Variants in SLTM observed in about 807,000 individuals in gnomAD.
SLTM encodes SAFB like transcription modulator.
In SLTM, 43 loss-of-function variants were observed where a neutral mutation model predicts 134.6. That is an observed-to-expected ratio of 0.32 (90% confidence interval 0.25 to 0.41). The LOEUF is 0.41. Ranked by LOEUF, SLTM falls within the 10% of genes least tolerant of loss-of-function variation. The pLI is 1.00. For synonymous variants in SLTM, 424 were observed against 432.3 expected (o/e 0.98, Z 0.24); for missense variants, 1,055 against 1,288.8 (o/e 0.82, Z 2.78).
chr15:58,900,607 A>T (rs2035409638), intron 6 of SLTM: 1 of 152,614 alleles, frequency 6.6e-6, no homozygotes, highest in African/African-American at 2.4e-5. Context: ...ATTTTCAGTC[A>T]GTAGCTTCAT....
At chr15:58,931,706 C>T (rs575894177) in intron 2 of SLTM, among the ~76,000 whole-genome samples, 1 of 152,196 alleles carries the variant, frequency 6.6e-6, no homozygotes, top group Non-Finnish European at 1.5e-5. Flanking sequence ...CCACTTTTAG[C>T]TAGTCACTAA....
At chr15:58,880,147 G>A in intron 20 of SLTM, 40 bp from the exon 21 acceptor site, 2 of 1,601,244 alleles carry the variant, frequency 1.2e-6, no homozygotes, top group South Asian at 1.1e-5. Flanking sequence ...AGAGAACAAA[G>A]AACAAATCAT....
At chr15:58,923,712 G>A (rs892406485) in intron 2 of SLTM, among the ~76,000 whole-genome samples, 7 of 151,384 alleles carry the variant, frequency 4.6e-5, no homozygotes, top group African/African-American at 1.2e-4. Flanking sequence ...GTCCTACAGG[G>A]AATCTAGCAA....
Position 58,893,827 on chromosome 15 carries a change from GCTT to G in SLTM, c.1639_1641del (p.Lys547del), listed in dbSNP as rs1314519060. ...GAAAAGATGTATAGCATACTTATTC[GCTT>G]CTTTTCTTCACTTTTTTTAATCGAT... On this transcript the variant is annotated inframe_deletion, in exon 12 of 21. Coordinates refer to ENST00000380516, the MANE Select transcript of SLTM (RefSeq NM_024755.4). The G allele has an allele frequency of 3.7e-6, 6 of 1,607,146 alleles. No individual in the cohort carries two copies. In the Admixed American group the frequency reaches 8.5e-5, roughly 23 times the overall value.
chr15:58,901,361 C>A (rs2035476116), intron 5 of SLTM, 74 bp from the exon 6 acceptor site: 1 of 1,265,842 alleles, frequency 7.9e-7, no homozygotes, highest in South Asian at 1.3e-5. Flanking sequence ...ACAAAATCAG[C>A]CAAGTTAAAA....
rs191454260 is a variant in SLTM at position 58,897,450 on chromosome 15, T to C, written c.1109-217A>G. ...CATTTCCTATTGTATGAGTTCTAAG[T>C]TGAAGAGGGTAAAAAAATCAATTAC... On this transcript the variant is annotated intron_variant, in intron 8 of 20. Coordinates refer to ENST00000380516, the MANE Select transcript of SLTM (RefSeq NM_024755.4). 4.4e-4 allele frequency: 187 copies of C among 428,462 alleles called. No individual in the cohort carries two copies. In the East Asian group the frequency reaches 5.8e-3, roughly 13 times the overall value. The allele number at this position is 428,462 out of a possible 1,614,324, so 26.5% of individuals were successfully genotyped here.
At chr15:58,883,089 C>T (rs889414018) in intron 20 of SLTM, among the ~76,000 whole-genome samples, 1 of 152,114 alleles carries the variant, frequency 6.6e-6, no homozygotes, top group Non-Finnish European at 1.5e-5. Context: ...CCAAGGCAGG[C>T]GGATCCCCTG....
intron 2 of SLTM, among the ~76,000 whole-genome samples, chr15:58,920,344 C>T (rs556046776): frequency 2.0e-5 from 3 of 152,136 alleles, no homozygotes; most frequent in Non-Finnish European, 4.4e-5. Flanking sequence ...ATAAATAAGG[C>T]TGGGCACAGC....
chr15:58,930,584 A>G (rs1183146689), intron 2 of SLTM, among the ~76,000 whole-genome samples: 1 of 151,830 alleles, frequency 6.6e-6, no homozygotes, highest in Non-Finnish European at 1.5e-5. Flanking sequence ...GTGGTGGCAC[A>G]TGCCTGTAGT....
chr15:58,918,475 T>C (rs1432403521), intron 2 of SLTM, among the ~76,000 whole-genome samples: 2 of 152,184 alleles, frequency 1.3e-5, no homozygotes, highest in African/African-American at 2.4e-5. Context: ...TTTCCGCAAA[T>C]GAGTGATAAA....
intron 5 of SLTM, among the ~76,000 whole-genome samples, chr15:58,904,569 G>C (rs1188544207): frequency 7.0e-6 from 1 of 142,402 alleles, no homozygotes; most frequent in Non-Finnish European, 1.5e-5. Context: ...TTTTGAGGCA[G>C]AGTCTCACTC....
chr15:58,921,639 C>A, intron 2 of SLTM: 1 of 404,422 alleles, frequency 2.5e-6, no homozygotes, highest in Non-Finnish European at 5.0e-6. Context: ...GAGTAACAAC[C>A]TGATAGATAC....
At chr15:58,918,959 G>C (rs1162572078) in intron 2 of SLTM, among the ~76,000 whole-genome samples, 1 of 151,630 alleles carries the variant, frequency 6.6e-6, no homozygotes, top group Non-Finnish European at 1.5e-5. Flanking sequence ...CTGTCGCCCA[G>C]GGTGGAAGGC....
At chr15:58,909,362 C>G (rs2036096444) in intron 5 of SLTM, among the ~76,000 whole-genome samples, 1 of 152,064 alleles carries the variant, frequency 6.6e-6, no homozygotes, top group Non-Finnish European at 1.5e-5. Flanking sequence ...AAATTAAGAA[C>G]TAACTGGCCA....
intron 2 of SLTM, among the ~76,000 whole-genome samples, chr15:58,930,959 C>T (rs1033607579): frequency 6.6e-6 from 1 of 151,886 alleles, no homozygotes; most frequent in African/African-American, 2.4e-5. Context: ...AAATAATAGT[C>T]AACTCAAACA....
intron 16 of SLTM, 159 bp downstream of exon 16, chr15:58,889,271 T>C (rs2034478038): frequency 1.1e-5 from 9 of 792,080 alleles, no homozygotes; most frequent in Admixed American, 3.0e-5. Context: ...TCCCACTTGC[T>C]AGTGCACTGG....
intron 2 of SLTM, among the ~76,000 whole-genome samples, chr15:58,931,571 T>A (rs1331843670): frequency 6.6e-6 from 1 of 152,166 alleles, no homozygotes; most frequent in Non-Finnish European, 1.5e-5. Flanking sequence ...ATATATCATG[T>A]CCACCCTCTG....
chr15:58,904,191 G>A (rs966674537), intron 5 of SLTM, among the ~76,000 whole-genome samples: 21 of 151,384 alleles, frequency 1.4e-4, no homozygotes, highest in African/African-American at 4.9e-4. Flanking sequence ...ATTTTTTTTT[G>A]GCAAAGACAG....
chr15:58,924,818 T>A (rs1356129968), intron 2 of SLTM, among the ~76,000 whole-genome samples: 1 of 152,154 alleles, frequency 6.6e-6, no homozygotes, highest in Non-Finnish European at 1.5e-5. Context: ...AAATCCCACT[T>A]AATAATTAGT....
Sources: gnomAD v4.1 joint callset for allele counts (sites outside exome capture counted in the v4.1 genomes callset) on GRCh38, gnomAD v4.1.1 for gene constraint, MANE v1.5 for transcripts, NCBI Gene and HGNC (gene_info 2026-07-23, HGNC 2026-07-21) for gene names.